SHANK2: variants seen among roughly 807,000 people sequenced by gnomAD.
The protein encoded by SHANK2 is SH3 and multiple ankyrin repeat domains 2, also known as SH3 and multiple ankyrin repeat domains protein 2.
SHANK2 carries 43 observed loss-of-function variants against 133.7 expected under a neutral mutation model. That is an observed-to-expected ratio of 0.32 (90% CI 0.25 to 0.41). The LOEUF is 0.41. Among genes scored for constraint, SHANK2 ranks in the 10% least tolerant of loss-of-function variants. SHANK2 has a pLI of 1.00. For synonymous variants in SHANK2, 1,017 were observed against 952.8 expected, an observed-to-expected ratio of 1.07 and a Z score of -1.24; for missense variants, 1,994 against 2,235.8, an observed-to-expected ratio of 0.89 and a Z score of 2.18.
chr11:71,174,269 G>T lies in SHANK2; in HGVS notation c.-12-26931C>A, dbSNP rs146074883. 3.6e-4 allele frequency among the ~76,000 whole-genome samples: 55 copies of T among 152,336 alleles called. 1 individual carries two copies. Among genetic ancestry groups the T allele is most frequent in the Non-Finnish European group, 6.0e-4 (41 of 68,032 alleles). ...CATTAAGAACACAGGACCAGGCACA[G>T]TGGTTCACACCTGTAATCCCAGTAC... On this transcript the variant is annotated intron_variant, in intron 2 of 25. Coordinates refer to ENST00000601538, the MANE Select transcript of SHANK2 (RefSeq NM_012309.5).
chr11:70,721,402 G>C (rs1555029125), intron 14 of SHANK2, among the ~76,000 whole-genome samples: 1 of 152,246 alleles, frequency 6.6e-6, no homozygotes, highest in African/African-American at 2.4e-5. Flanking sequence ...GCAGGGGTCA[G>C]AGATGCCAAC....
intron 14 of SHANK2, among the ~76,000 whole-genome samples, chr11:70,789,320 C>G (rs1591847177): frequency 6.6e-6 from 1 of 152,218 alleles, no homozygotes; most frequent in East Asian, 1.9e-4. Flanking sequence ...CAAACCACAT[C>G]TGTTTCCTGG....
At chr11:70,708,200 C>T (rs115959418) in intron 14 of SHANK2, among the ~76,000 whole-genome samples, 1 of 151,714 alleles carries the variant, frequency 6.6e-6, no homozygotes, top group African/African-American at 2.4e-5. Flanking sequence ...GGGAGGAGTG[C>T]CATCTTTCAG....
At chr11:71,114,678 A>G (rs1397688962) in intron 4 of SHANK2, among the ~76,000 whole-genome samples, 1 of 152,134 alleles carries the variant, frequency 6.6e-6, no homozygotes, top group Non-Finnish European at 1.5e-5. Context: ...CTACAGGCCC[A>G]TTTTAGAACT....
At chr11:71,111,183 G>T (rs889092143) in intron 5 of SHANK2, among the ~76,000 whole-genome samples, 1 of 152,198 alleles carries the variant, frequency 6.6e-6, no homozygotes, top group Admixed American at 6.5e-5. Flanking sequence ...AGCTATGAAT[G>T]CTCCTTTGCT....
At chr11:70,881,987 T>C (rs991773690) in intron 11 of SHANK2, among the ~76,000 whole-genome samples, 1 of 152,092 alleles carries the variant, frequency 6.6e-6, no homozygotes, top group Non-Finnish European at 1.5e-5. Context: ...CTTGGGATTA[T>C]AGGTGTGAGC....
intron 3 of SHANK2, among the ~76,000 whole-genome samples, chr11:71,130,713 G>T (rs1952285081): frequency 6.6e-6 from 1 of 152,046 alleles, no homozygotes; most frequent in Non-Finnish European, 1.5e-5. Flanking sequence ...CCTTCCTCTT[G>T]ACTTCTACCC....
chr11:70,942,797 C>A (rs74448489), intron 10 of SHANK2: 6 of 456,470 alleles, frequency 1.3e-5, no homozygotes, highest in African/African-American at 2.0e-5. Context: ...CAAGCTGTAC[C>A]GGGTTAACAC....
intron 3 of SHANK2, among the ~76,000 whole-genome samples, chr11:71,140,865 C>T (rs1395227968): frequency 1.3e-5 from 2 of 152,218 alleles, no homozygotes; most frequent in Non-Finnish European, 2.9e-5. Context: ...GGCTGCCTTC[C>T]TGCCGGGAAT....
intron 10 of SHANK2, among the ~76,000 whole-genome samples, chr11:70,947,306 C>T (rs563185870): frequency 6.0e-4 from 91 of 151,808 alleles, no homozygotes; most frequent in Admixed American, 9.2e-4. Flanking sequence ...GGTCTGGCTG[C>T]AGAGCACCTG....
chr11:71,225,345 G>A (rs137869122), intron 1 of SHANK2, among the ~76,000 whole-genome samples: 124 of 152,284 alleles, frequency 8.1e-4, no homozygotes, highest in African/African-American at 2.9e-3. Context: ...CCCTGCCAGC[G>A]TGGCATCAAA....
chr11:71,197,927 A>C (rs930848526), intron 2 of SHANK2, among the ~76,000 whole-genome samples: 10 of 152,182 alleles, frequency 6.6e-5, no homozygotes, highest in Non-Finnish European at 1.3e-4. Flanking sequence ...CCAGGGAAGA[A>C]GGAGTCGGGC....
At chr11:70,523,161 A>G (rs1419540202) in intron 17 of SHANK2, among the ~76,000 whole-genome samples, 1 of 152,184 alleles carries the variant, frequency 6.6e-6, no homozygotes, top group Non-Finnish European at 1.5e-5. Flanking sequence ...GTGCTTCTGC[A>G]TCTGCCCGGG....
intron 14 of SHANK2, among the ~76,000 whole-genome samples, chr11:70,770,360 C>T (rs11824679): frequency 0.2 from 30,414 of 152,174 alleles, 3,621 homozygotes; most frequent in African/African-American, 0.32. Context: ...TGGCCATGGG[C>T]CTGTGGTCCT....
At chr11:70,818,349 T>A (rs1189800569) in intron 12 of SHANK2, among the ~76,000 whole-genome samples, 1 of 151,968 alleles carries the variant, frequency 6.6e-6, no homozygotes, top group East Asian at 1.9e-4. Context: ...GTGCATTCTG[T>A]CCCCCGTTCC....
At chr11:71,216,179 A>G (rs1954410078) in intron 2 of SHANK2, among the ~76,000 whole-genome samples, 2 of 152,252 alleles carry the variant, frequency 1.3e-5, no homozygotes, top group African/African-American at 4.8e-5. Context: ...AAGAATGTCC[A>G]AGTGTGTAAA....
chr11:71,244,408 G>C (rs531938667), intron 1 of SHANK2, among the ~76,000 whole-genome samples: 1 of 152,336 alleles, frequency 6.6e-6, no homozygotes, highest in South Asian at 2.1e-4. Context: ...CTTTCAAACG[G>C]GACCCATGCA....
chr11:70,832,339 C>T (rs4980650), intron 11 of SHANK2, among the ~76,000 whole-genome samples: 12 of 152,210 alleles, frequency 7.9e-5, no homozygotes, highest in African/African-American at 1.9e-4. Flanking sequence ...CTATTGCTCA[C>T]GATGCATTCA....
At chr11:70,760,387 C>T (rs1946968814) in intron 14 of SHANK2, among the ~76,000 whole-genome samples, 1 of 152,212 alleles carries the variant, frequency 6.6e-6, no homozygotes. Flanking sequence ...ATAAATCGTG[C>T]AATTCTTGGG....
Sources: allele counts gnomAD v4.1 joint callset (sites outside exome capture counted in the v4.1 genomes callset), GRCh38; gene constraint gnomAD v4.1.1; transcripts MANE v1.5; gene names NCBI Gene and HGNC (gene_info 2026-07-23, HGNC 2026-07-21).